The following MYOM2 variants were observed in gnomAD, a reference collection of about 807,000 sequenced individuals.
MYOM2 encodes myomesin-2.
Under a neutral mutation model 187.6 loss-of-function variants are expected in MYOM2, and 254 were observed. That is an observed-to-expected ratio of 1.35 (90% CI 1.22 to 1.50). The LOEUF is 1.50. Ranked by LOEUF, MYOM2 falls within the 40% of genes most tolerant of loss-of-function variation. The pLI is 0.00. For missense variants in MYOM2, 2,796 were observed against 1,924.0 expected (o/e 1.45, Z -8.48); for synonymous variants, 981 against 753.8 (o/e 1.30, Z -4.94).
chr8:2,057,597 C>G (rs1272765791), intron 4 of MYOM2, 26 bp from the exon 5 acceptor site: 4 of 1,613,532 alleles, frequency 2.5e-6, no homozygotes, highest in Non-Finnish European at 3.4e-6. Context: ...GCCTGGGAAC[C>G]TGACCATCCT....
chr8:2,079,614 G>T lies in MYOM2; in HGVS notation c.1516+1G>T, dbSNP rs1819553071. ...GCCATTTATCAGGATGACCTTGAAG[G>T]TAAGTAGCACCTCATCACCCCAGCT... On this transcript the variant is annotated splice_donor_variant, in intron 13 of 36. Transcript: ENST00000262113. LOFTEE classifies it high-confidence loss of function. 3 of 1,614,112 alleles carry T rather than the reference G, an allele frequency of 1.9e-6. No homozygotes were observed. Among genetic ancestry groups the T allele is most frequent in the East Asian group, 2.2e-5 (1 of 44,878 alleles).
intron 28 of MYOM2, 111 bp from the exon 29 acceptor site, chr8:2,123,141 A>T: frequency 1.5e-6 from 1 of 680,210 alleles, no homozygotes; most frequent in African/African-American, 1.8e-5. Context: ...TCTATAGTAA[A>T]AACTAAGGTT....
intron 32 of MYOM2, among the ~76,000 whole-genome samples, chr8:2,136,906 A>G (rs1054293539): frequency 9.9e-5 from 15 of 152,190 alleles, no homozygotes; most frequent in Non-Finnish European, 1.6e-4. Flanking sequence ...AAGCATTTGC[A>G]GCGCAACTTT....
At chr8:2,089,711 A>G (rs971909678) in intron 14 of MYOM2, among the ~76,000 whole-genome samples, 1 of 152,232 alleles carries the variant, frequency 6.6e-6, no homozygotes, top group Non-Finnish European at 1.5e-5. Context: ...TATTTTGCTA[A>G]AACTACTACC....
chr8:2,138,643 C>T (rs62480015), intron 32 of MYOM2, among the ~76,000 whole-genome samples: 18 of 152,152 alleles, frequency 1.2e-4, no homozygotes, highest in African/African-American at 4.3e-4. Context: ...TAAGGCGGCA[C>T]GAACTCGCTC....
At position 2,085,499 on chromosome 8, in the gene MYOM2, TTGTGATCTCCGC is replaced by T. The variant is rs1819797010; in HGVS notation, c.1644+110_1644+121del. 2.9e-5 allele frequency: 35 copies of T among 1,198,976 alleles called. 5 individuals carry two copies. The highest frequency in any genetic ancestry group is 1.3e-4 in the African/African-American group (8 of 60,664). The allele number at this position is 1,198,976 out of a possible 1,614,324, so 74.3% of individuals were successfully genotyped here. ...GTGATCTCCGCGTGGCCCCTCACTGTTGTGATCTCCGCGTGGCCCCCCACTGTTGTGATCTCT... is the reference window on the plus strand; with the variant it reads ...GTGATCTCCGCGTGGCCCCTCACTGTGTGGCCCCCCACTGTTGTGATCTCT... On this transcript the variant is annotated intron_variant, in intron 14 of 36. Coordinates refer to ENST00000262113, the MANE Select transcript of MYOM2 (RefSeq NM_003970.4).
rs775848474 is a variant in MYOM2, at chr8:2,140,791, T to C, written c.3869T>C (p.Ile1290Thr). ...AGTGAAGAGATGGCTTGGCTGCAGATATGTGAGCCGACTGAGAAGGATAAA... is the reference window on the plus strand; with the variant it reads ...AGTGAAGAGATGGCTTGGCTGCAGACATGTGAGCCGACTGAGAAGGATAAA... ...GGSEEMAWLQ[I>T]CEPTEKDKGK... The change falls in exon 33 of 37, where the codon ATA becomes ACA. Residue 1290 changes from isoleucine to threonine, a missense_variant. Physicochemically the swap from Ile to Thr is moderately conservative, Grantham distance 89. Transcript: ENST00000262113. The C allele has an allele frequency of 6.2e-7, 1 of 1,614,112 alleles. No homozygotes were observed. The highest frequency in any genetic ancestry group is 1.1e-5 in the South Asian group (1 of 91,072).
rs1022553583 is a variant in MYOM2 at position 2,090,266 on chromosome 8, G to T, written c.1828+75G>T. ...GTGACACCAAATAGCCTTAAATTGT[G>T]TGAATAAAGACATTAATGTTATAAA... On this transcript the variant is annotated intron_variant, in intron 15 of 36. Coordinates refer to ENST00000262113, the MANE Select transcript of MYOM2 (RefSeq NM_003970.4). 2.8e-6 allele frequency: 4 copies of T among 1,407,460 alleles called. No individual in the cohort carries two copies. The East Asian group carries it at 9.5e-5, about 33-fold the overall frequency. 87.2% of individuals were successfully genotyped at this position (1,407,460 alleles called of 1,614,324 possible).
At chr8:2,059,844 G>C (rs754411388) in intron 6 of MYOM2, among the ~76,000 whole-genome samples, 11 of 150,252 alleles carry the variant, frequency 7.3e-5, no homozygotes, top group Non-Finnish European at 1.3e-4. Context: ...CCAGGATCAA[G>C]CGATTCTCCT....
rs1448514049 is a variant in MYOM2, at chr8:2,086,335, C to T, written c.1644+945C>T. 7.3e-5 allele frequency among the ~76,000 whole-genome samples: 6 copies of T among 81,798 alleles called. 1 individual carries two copies. Among genetic ancestry groups the T allele is most frequent in the South Asian group, 4.5e-4 (1 of 2,210 alleles). 53.7% of individuals were successfully genotyped at this position (81,798 alleles called of 152,430 possible). On this transcript the variant is annotated intron_variant, in intron 14 of 36. Transcript: ENST00000262113. ...ACAGTCGTGATCTCTGCGTGGCCCCCCACTGTTGTGATCTCTGCGTGGCCT... is the reference window on the plus strand; with the variant it reads ...ACAGTCGTGATCTCTGCGTGGCCCCTCACTGTTGTGATCTCTGCGTGGCCT...
chr8:2,101,054 G>C lies in MYOM2; in HGVS notation c.2619G>C (p.Lys873Asn). ...CGACAACAGCCAGCCGTTATTTAAA[G>C]GTAAGTCTTGGCCGGCTGTGGTGGC... ...NQTTTASRYL[K>N]VSDLQQGKTY... Residue 873 changes from lysine to asparagine, a missense_variant and splice_region_variant, in exon 20 of 37, where the codon AAG becomes AAC. Physicochemically the swap from Lys to Asn is moderately conservative, Grantham distance 94. Coordinates refer to ENST00000262113, the MANE Select transcript of MYOM2 (RefSeq NM_003970.4). 6.2e-7 allele frequency: 1 copy of C among 1,613,954 alleles called. No homozygotes were observed. The highest frequency in any genetic ancestry group is 8.5e-7 in the Non-Finnish European group (1 of 1,179,936).
At chr8:2,090,745 T>A (rs973108158) in intron 15 of MYOM2, among the ~76,000 whole-genome samples, 2 of 152,222 alleles carry the variant, frequency 1.3e-5, no homozygotes, top group Non-Finnish European at 2.9e-5. Context: ...CTGCATTAGT[T>A]TGCTAAGGAT....
At chr8:2,102,582 G>A (rs1796744351) in intron 20 of MYOM2, 85 bp from the exon 21 acceptor site, 2 of 792,514 alleles carry the variant, frequency 2.5e-6, no homozygotes, top group Admixed American at 2.4e-5. Flanking sequence ...TTTTGAAAAG[G>A]CCCTATTCAC....
In MYOM2 at chr8:2,106,510, A is replaced by T; in HGVS notation, c.2911A>T (p.Asn971Tyr). ...TTTTAGCTCCAAGCTGTACTTAAAGAATCCGGATAAGGAGGATTTAGGGAC... is the reference window on the plus strand; with the variant it reads ...TTTTAGCTCCAAGCTGTACTTAAAGTATCCGGATAAGGAGGATTTAGGGAC... Reference protein sequence around the residue: ...VGDHSKLYLKNPDKEDLGTYS... With the variant: ...VGDHSKLYLKYPDKEDLGTYS... Residue 971 changes from asparagine (N) to tyrosine (Y), a missense_variant, in exon 23 of 37, where the codon AAT (asparagine) becomes TAT (tyrosine). Transcript: ENST00000262113. 1 of 1,612,476 alleles carries T rather than the reference A, an allele frequency of 6.2e-7. No homozygotes were observed. Among genetic ancestry groups the T allele is most frequent in the Middle Eastern group, 1.7e-4 (1 of 6,054 alleles).
chr8:2,144,643 A>G, intron 36 of MYOM2, 21 bp from the exon 37 acceptor site: 1 of 1,610,204 alleles, frequency 6.2e-7, no homozygotes, highest in Non-Finnish European at 8.5e-7. Flanking sequence ...TTCCTTCTCC[A>G]CCAACCTCTT....
chr8:2,140,822 A>G lies in MYOM2; in HGVS notation c.3900A>G (p.Lys1300=), dbSNP rs142788097. Residue 1300 remains lysine, a synonymous_variant, in exon 33 of 37, where the codon AAA becomes AAG. Coordinates refer to ENST00000262113, the MANE Select transcript of MYOM2 (RefSeq NM_003970.4). ...ICEPTEKDKG[K]YTFEIFDGKD... is the part of the protein sequence containing the mutation. ...AGCCGACTGAGAAGGATAAAGGAAA[A>G]TACACTTTTGAGATTTTCGATGGCA... 841 of 1,614,100 alleles carry G rather than the reference A, an allele frequency of 5.2e-4. 4 individuals carry two copies. The African/African-American group carries it at 7.9e-3, about 15-fold the overall frequency.
chr8:2,050,289 C>T (rs546178399), intron 1 of MYOM2, among the ~76,000 whole-genome samples: 1 of 152,200 alleles, frequency 6.6e-6, no homozygotes, highest in Non-Finnish European at 1.5e-5. Flanking sequence ...TCACCTGCCT[C>T]GTGGGCCACT....
intron 35 of MYOM2, 146 bp from the exon 36 acceptor site, chr8:2,143,255 A>G (rs1798340318): frequency 3.3e-6 from 3 of 901,956 alleles, no homozygotes; most frequent in Non-Finnish European, 5.4e-6. Context: ...CTGTAAACAT[A>G]TAAACCTTTT....
intron 17 of MYOM2, among the ~76,000 whole-genome samples, chr8:2,095,716 G>T (rs968327918): frequency 2.0e-5 from 3 of 152,206 alleles, no homozygotes; most frequent in African/African-American, 7.2e-5. Context: ...TTCTCGACCT[G>T]TTAGGAGAAG....
Sources: allele counts gnomAD v4.1 joint callset (sites outside exome capture counted in the v4.1 genomes callset), GRCh38; gene constraint gnomAD v4.1.1; transcripts MANE v1.5; gene names NCBI Gene and HGNC (gene_info 2026-07-23, HGNC 2026-07-21).